The following RRBP1 variants were observed in gnomAD, a reference collection of about 807,000 sequenced individuals.
RRBP1 encodes the protein ribosome-binding protein 1.
Under a neutral mutation model 165.2 loss-of-function variants are expected in RRBP1, and 94 were observed. The ratio of observed to expected loss-of-function variants is 0.57; its 90% CI spans 0.48 to 0.68. The LOEUF (loss-of-function observed/expected upper bound fraction) is 0.68, where lower values mean the gene tolerates loss of function less well. Ranked by LOEUF, RRBP1 falls within the 30% of genes least tolerant of loss-of-function variation. RRBP1 has a pLI of 0.00. For synonymous variants in RRBP1, 680 were observed against 714.5 expected, an observed-to-expected ratio of 0.95 and a Z score of 0.77; for missense variants, 1,676 against 1,763.0, an observed-to-expected ratio of 0.95 and a Z score of 0.88.
chr20:17,673,331 C>T (rs2037014578), intron 2 of RRBP1, among the ~76,000 whole-genome samples: 1 of 152,200 alleles, frequency 6.6e-6, no homozygotes, highest in Non-Finnish European at 1.5e-5. Flanking sequence ...CACCTCCTGA[C>T]CTGACAGGGC....
At chr20:17,656,080 A>T (rs1226850409) in intron 3 of RRBP1, among the ~76,000 whole-genome samples, 1 of 152,214 alleles carries the variant, frequency 6.6e-6, no homozygotes, top group Admixed American at 6.5e-5. Flanking sequence ...GAGTGGCCCA[A>T]ATCCACCGCA....
intron 2 of RRBP1, among the ~76,000 whole-genome samples, chr20:17,671,886 C>T (rs750847363): frequency 6.6e-6 from 1 of 152,142 alleles, no homozygotes; most frequent in Non-Finnish European, 1.5e-5. Flanking sequence ...GTTAGAAGAC[C>T]GGTTCAGGCC....
intron 1 of RRBP1, among the ~76,000 whole-genome samples, 194 bp from the exon 2 acceptor site, chr20:17,680,269 A>T (rs2037155433): frequency 6.6e-6 from 1 of 152,196 alleles, no homozygotes; most frequent in South Asian, 2.1e-4. Context: ...CCCCAGCTGC[A>T]CAGGGCGGGG....
At chr20:17,625,414 C>T in intron 12 of RRBP1, 98 bp downstream of exon 12, 1 of 1,035,064 alleles carries the variant, frequency 9.7e-7, no homozygotes, top group Non-Finnish European at 1.5e-6. Context: ...GCTCAGCCCT[C>T]CCCCGAGTCC....
Position 17,615,936 on chromosome 20 carries a change from T to A in RRBP1, c.3941A>T (p.Glu1314Val). 6.2e-7 allele frequency: 1 copy of A among 1,609,916 alleles called. No homozygotes were observed. The highest frequency in any genetic ancestry group is 8.5e-7 in the Non-Finnish European group (1 of 1,179,870). Reference sequence around the variant, plus strand: ...CAGGCAGGGCCTGACCTCCTCAAACTCGGCCGTGAGCTTCTGCCGCTGTGT... The same window carrying A: ...CAGGCAGGGCCTGACCTCCTCAAACACGGCCGTGAGCTTCTGCCGCTGTGT... ...EQTQRQKLTA[E>V]FEEAQTSACR... The change falls in exon 22 of 25, where the codon GAG becomes GTG. Residue 1314 changes from glutamate (E) to valine (V), a missense_variant. Glu to Val is a moderately radical substitution (Grantham distance 121, BLOSUM62 -2). Around this residue, in one of 5 missense-constraint regions of RRBP1, gnomAD observed 1,184 missense variants for 1,167.1 expected, o/e 1.01. Coordinates refer to ENST00000377813, the MANE Select transcript of RRBP1 (RefSeq NM_001365613.2).
intron 3 of RRBP1, among the ~76,000 whole-genome samples, chr20:17,651,655 C>T (rs962899855): frequency 3.3e-5 from 5 of 152,190 alleles, no homozygotes; most frequent in Non-Finnish European, 7.3e-5. Context: ...CCCCCCGCCC[C>T]TCCACCCCCG....
chr20:17,632,919 C>G (rs1219493350), intron 8 of RRBP1, among the ~76,000 whole-genome samples: 1 of 152,202 alleles, frequency 6.6e-6, no homozygotes, highest in Non-Finnish European at 1.5e-5. Context: ...AAGGCCACAC[C>G]CAGAAGCTGA....
intron 11 of RRBP1, among the ~76,000 whole-genome samples, chr20:17,626,826 C>T (rs559786876): frequency 3.9e-5 from 6 of 152,314 alleles, no homozygotes; most frequent in African/African-American, 1.4e-4. Context: ...GCTGCTGACA[C>T]GGAGGGAAAA....
chr20:17,621,993 T>G (rs1194136265), intron 13 of RRBP1, 46 bp from the exon 14 acceptor site: 19 of 1,466,570 alleles, frequency 1.3e-5, no homozygotes, highest in Non-Finnish European at 1.5e-5. Context: ...GCTGTGGAGG[T>G]GTGGGGCACC....
Position 17,621,698 on chromosome 20 carries a change from G to T in RRBP1, c.3316C>A (p.Pro1106Thr), listed in dbSNP as rs1292428911. ...CAGGCAGCCACACTTACCGAGGAGG[G>T]CTCCGCGGGAGCTGGCGGGTGCTTC... ...LLKHPPAPAE[P>T]SSDLASKLRE... is the part of the protein sequence containing the mutation. Residue 1106 changes from proline (P) to threonine (T), a missense_variant, in exon 15 of 25, where the codon CCC becomes ACC. Physicochemically the swap from Pro to Thr is conservative, Grantham distance 38 (BLOSUM62 -1). Coordinates refer to ENST00000377813, the MANE Select transcript of RRBP1 (RefSeq NM_001365613.2). The T allele has an allele frequency of 6.2e-7, 1 of 1,613,574 alleles. No homozygotes were observed. The highest frequency in any genetic ancestry group is 8.5e-7 in the Non-Finnish European group (1 of 1,179,882).
In RRBP1 at chr20:17,635,625, T is replaced by A; in HGVS notation, c.2377A>T (p.Thr793Ser). The A allele has an allele frequency of 6.2e-7, 1 of 1,613,438 alleles. No individual in the cohort carries two copies. The highest frequency in any genetic ancestry group is 1.7e-4 in the Middle Eastern group (1 of 6,054). ...TCCTGCTGCAGGCGGGCCAGCTGCG[T>A]GTTGGGGCCATTCTCCAGCTGCTCC... is the stretch of plus-strand genomic sequence containing the variant. ...LQEQLENGPN[T>S]QLARLQQENS... Residue 793 changes from threonine to serine, a missense_variant, in exon 7 of 25, where the codon ACG becomes TCG. By Grantham distance (58) the Thr-to-Ser change is moderately conservative (BLOSUM62 1). This residue lies in a region of RRBP1 where 1,184 missense variants were observed against 1,167.1 expected (regional missense o/e 1.01). Transcript: ENST00000377813.
intron 9 of RRBP1, among the ~76,000 whole-genome samples, chr20:17,629,103 C>T (rs1568760852): frequency 6.6e-6 from 1 of 152,270 alleles, no homozygotes; most frequent in African/African-American, 2.4e-5. Context: ...AGTTGCCAAC[C>T]CTGCCCTGAA....
chr20:17,668,911 A>G (rs970065931), intron 2 of RRBP1, among the ~76,000 whole-genome samples: 1 of 152,182 alleles, frequency 6.6e-6, no homozygotes, highest in Non-Finnish European at 1.5e-5. Context: ...TTGTGAATGC[A>G]CTACTATGCA....
chr20:17,630,035 G>C, intron 8 of RRBP1, 74 bp from the exon 9 acceptor site: 1 of 1,487,756 alleles, frequency 6.7e-7, no homozygotes, highest in Non-Finnish European at 9.1e-7. Context: ...CGGTGGAGGC[G>C]GACAGAGCTC....
At chr20:17,637,221 C>T (rs2036264573) in intron 5 of RRBP1, among the ~76,000 whole-genome samples, 2 of 152,144 alleles carry the variant, frequency 1.3e-5, no homozygotes. Flanking sequence ...GCATGCATCT[C>T]TGCAGGCGGT....
chr20:17,640,101 T>TG (rs986160373), intron 5 of RRBP1, among the ~76,000 whole-genome samples: 2 of 152,170 alleles, frequency 1.3e-5, no homozygotes, highest in Non-Finnish European at 1.5e-5. Context: ...AGTGGCCACT[T>TG]GATCACTGGC....
chr20:17,627,531 G>T lies in RRBP1; in HGVS notation c.2901C>A (p.Gly967=), dbSNP rs2036051517. ...GGACGTCCTGGGCATCCCGCGCCTG[G>T]CCCGCCTCCAGCAGGGCCTCAATGG... The part of the protein sequence containing the change: ...IRSIEALLEA[G]QARDAQDVQA... The change falls in exon 10 of 25, where the codon GGC becomes GGA. Residue 967 remains glycine (G), a synonymous_variant. Transcript: ENST00000377813. The T allele has an allele frequency of 6.2e-7, 1 of 1,611,914 alleles. No homozygotes were observed. The highest frequency in any genetic ancestry group is 1.3e-5 in the African/African-American group (1 of 74,896).
chr20:17,654,115 C>T (rs763284130), intron 3 of RRBP1, among the ~76,000 whole-genome samples: 1 of 152,226 alleles, frequency 6.6e-6, no homozygotes, highest in Non-Finnish European at 1.5e-5. Flanking sequence ...TCGCTACCCG[C>T]TCAGACTGGT....
rs1332879007 is a variant in RRBP1, at chr20:17,682,201, C to T, written c.-272G>A. On this transcript the variant is annotated 5_prime_UTR_variant, in exon 1 of 25. Transcript: ENST00000377813. ...CCCCGTCTGCCGTCCGCTCCGGCCGCTCGCTGGCTGCGTGCGCGCGTGTGG... is the reference window on the plus strand; with the variant it reads ...CCCCGTCTGCCGTCCGCTCCGGCCGTTCGCTGGCTGCGTGCGCGCGTGTGG... The T allele has an allele frequency of 6.6e-6, 1 of 152,352 alleles. No homozygotes were observed. Among genetic ancestry groups the T allele is most frequent in the Non-Finnish European group, 1.5e-5 (1 of 68,178 alleles). The allele number at this position is 152,352 out of a possible 1,614,324, so 9.4% of individuals were successfully genotyped here.
Sources: gnomAD v4.1 joint callset for allele counts (sites outside exome capture counted in the v4.1 genomes callset) on GRCh38, gnomAD v4.1.1 for gene constraint, gnomAD v4.1.1 regional missense constraint, MANE v1.5 for transcripts, NCBI Gene and HGNC (gene_info 2026-07-23, HGNC 2026-07-21) for gene names.